Variants in CACNA2D2 observed in about 807,000 individuals in gnomAD.
CACNA2D2 encodes voltage-dependent calcium channel subunit alpha-2/delta-2.
CACNA2D2 carries 48 observed loss-of-function variants against 166.4 expected under a neutral mutation model. The observed-to-expected ratio is 0.29, with a 90% confidence interval of 0.23 to 0.37. CACNA2D2 has a LOEUF of 0.37. CACNA2D2 is among the 10% of genes least tolerant of loss of function. The pLI, the probability that CACNA2D2 is intolerant of heterozygous loss-of-function variation, is 1.00. For missense variants in CACNA2D2, 1,122 were observed against 1,433.0 expected, an observed-to-expected ratio of 0.78 and a Z score of 3.50; for synonymous variants, 561 against 573.7, an observed-to-expected ratio of 0.98 and a Z score of 0.32.
intron 15 of CACNA2D2, 85 bp from the exon 16 acceptor site, chr3:50,377,888 C>A: frequency 6.8e-7 from 1 of 1,472,298 alleles, no homozygotes; most frequent in Non-Finnish European, 9.4e-7. Flanking sequence ...GAGGTGCAGG[C>A]CACCTCTTTC....
chr3:50,426,552 G>A (rs963481362), intron 3 of CACNA2D2, among the ~76,000 whole-genome samples: 5 of 152,208 alleles, frequency 3.3e-5, no homozygotes, highest in Non-Finnish European at 5.9e-5. Flanking sequence ...AGCCACTAGG[G>A]AGAATTCGGT....
Position 50,375,806 on chromosome 3 carries a change from T to C in CACNA2D2, c.1845+3A>G. ...TCCCTGGCCCCCAGCCCTGCCTCCT[T>C]ACCTCATCCAGGGACTTGACCAACG... On this transcript the variant is annotated splice_donor_region_variant and intron_variant, in intron 20 of 37. Coordinates refer to ENST00000424201, the MANE Select transcript of CACNA2D2 (RefSeq NM_006030.4). The surrounding 1 kb of genome is among the most constrained non-coding windows in gnomAD (Gnocchi z 4.0). 1 of 1,612,994 alleles carries C rather than the reference T, an allele frequency of 6.2e-7. No individual in the cohort carries two copies.
intron 1 of CACNA2D2, among the ~76,000 whole-genome samples, chr3:50,481,213 T>C (rs1157134636): frequency 6.7e-6 from 1 of 148,920 alleles, no homozygotes; most frequent in Non-Finnish European, 1.5e-5. Context: ...CGAGAAAGGA[T>C]GGGGGAGGGG....
Position 50,377,468 on chromosome 3 carries a change from G to A in CACNA2D2, c.1625C>T (p.Thr542Met), listed in dbSNP as rs755714225. 2.5e-6 allele frequency: 4 copies of A among 1,611,698 alleles called. No homozygotes were observed. Among genetic ancestry groups the A allele is most frequent in the East Asian group, 4.5e-5 (2 of 44,884 alleles). The part of the protein sequence containing the change: ...NDIKRLTPNY[T>M]LGANGYVFAI... Reference sequence around the variant, plus strand: ...GCGGATGGGCAGGGGGATGCTCACCGTGTAGTTGGGGGTCAGCCTCTTGAT... The same window carrying A: ...GCGGATGGGCAGGGGGATGCTCACCATGTAGTTGGGGGTCAGCCTCTTGAT... Residue 542 changes from threonine (T) to methionine (M), a missense_variant and splice_region_variant, in exon 17 of 38, where the codon ACG (threonine) becomes ATG (methionine). Thr to Met is a moderately conservative substitution (Grantham distance 81, BLOSUM62 -1). Coordinates refer to ENST00000424201, the MANE Select transcript of CACNA2D2 (RefSeq NM_006030.4).
At chr3:50,443,194 C>T (rs953539087) in intron 2 of CACNA2D2, among the ~76,000 whole-genome samples, 21 of 152,212 alleles carry the variant, frequency 1.4e-4, no homozygotes, top group Non-Finnish European at 1.9e-4. Flanking sequence ...CGGGTGCGGC[C>T]GGCTGGTGTG....
intron 22 of CACNA2D2, among the ~76,000 whole-genome samples, chr3:50,372,745 T>C (rs587638666): frequency 6.6e-6 from 1 of 151,946 alleles, no homozygotes; most frequent in African/African-American, 2.4e-5. Context: ...GTCCCTACTG[T>C]TGAGTTGTCT....
At chr3:50,419,131 G>A (rs78235513) in intron 3 of CACNA2D2, among the ~76,000 whole-genome samples, 2,078 of 152,242 alleles carry the variant, frequency 0.014, 42 homozygotes, top group African/African-American at 0.046. Flanking sequence ...CTCTAGAGGC[G>A]GAGCCACGGA....
chr3:50,374,653 C>T (rs587701993), intron 22 of CACNA2D2, 84 bp downstream of exon 22: 6 of 1,476,690 alleles, frequency 4.1e-6, no homozygotes, highest in African/African-American at 1.4e-5. Flanking sequence ...CGCCGGCAAG[C>T]GGCGCTGGCT....
At position 50,375,902 on chromosome 3, in the gene CACNA2D2, G is replaced by C. The variant is rs1166805401; in HGVS notation, c.1774-22C>G. ...GGATCTGGAAGGGCCAGAGATGTGAGGGGCAGGGCCCCTACACTCCTCTGC... is the reference window on the plus strand; with the variant it reads ...GGATCTGGAAGGGCCAGAGATGTGACGGGCAGGGCCCCTACACTCCTCTGC... On this transcript the variant is annotated intron_variant, in intron 19 of 37. Transcript: ENST00000424201. The surrounding 1 kb of genome is among the most constrained non-coding windows in gnomAD (Gnocchi z 4.0). 6.2e-7 allele frequency: 1 copy of C among 1,612,946 alleles called. No homozygotes were observed. Among genetic ancestry groups the C allele is most frequent in the Admixed American group, 1.7e-5 (1 of 60,014 alleles).
At position 50,376,281 on chromosome 3, in the gene CACNA2D2, C is replaced by A; in HGVS notation, c.1627-93G>T. 2 of 1,309,800 alleles carry A rather than the reference C, an allele frequency of 1.5e-6. No homozygotes were observed. Among genetic ancestry groups the A allele is most frequent in the East Asian group, 2.4e-5 (1 of 40,926 alleles). The allele number at this position is 1,309,800 out of a possible 1,614,324, so 81.1% of individuals were successfully genotyped here. A position where few individuals can be genotyped will look rare whatever the true frequency, so the allele number is the denominator to read the frequency against. On this transcript the variant is annotated intron_variant, in intron 17 of 37. Transcript: ENST00000424201. The surrounding 1 kb of genome is among the most constrained non-coding windows in gnomAD (Gnocchi z 4.3). ...TTCCCTATTTGGCCTCCCACCGCAC[C>A]GAGAGATTCTGTTTGCCTGCCTTGG...
At chr3:50,368,842 G>A (rs1393446145) in intron 23 of CACNA2D2, among the ~76,000 whole-genome samples, 2 of 152,242 alleles carry the variant, frequency 1.3e-5, no homozygotes, top group Non-Finnish European at 2.9e-5. Flanking sequence ...TGGGTCCAGA[G>A]AACATGGGGC....
chr3:50,480,866 GAAC>G, intron 1 of CACNA2D2, among the ~76,000 whole-genome samples: 1 of 51,638 alleles, frequency 1.9e-5, no homozygotes, highest in African/African-American at 7.8e-5. Context: ...ACGGGAACGG[GAAC>G]AGGGAGGAAC....
chr3:50,439,410 T>C (rs891195484), intron 2 of CACNA2D2, among the ~76,000 whole-genome samples: 11 of 152,172 alleles, frequency 7.2e-5, no homozygotes, highest in East Asian at 3.9e-4. Flanking sequence ...AGAAAGAAAA[T>C]GGAACAAGAA....
intron 4 of CACNA2D2, among the ~76,000 whole-genome samples, chr3:50,389,600 G>A (rs967595940): frequency 2.6e-5 from 4 of 152,218 alleles, no homozygotes; most frequent in African/African-American, 7.2e-5. Flanking sequence ...CTGCACCTGG[G>A]TCAACACTAG....
intron 2 of CACNA2D2, 123 bp from the exon 3 acceptor site, chr3:50,434,552 T>C (rs765422419): frequency 1.7e-4 from 123 of 744,994 alleles, no homozygotes; most frequent in Non-Finnish European, 2.5e-4. Context: ...GACCCTGTCT[T>C]TGGCCTCTGA....
At chr3:50,451,201 T>C (rs527259417) in intron 2 of CACNA2D2, among the ~76,000 whole-genome samples, 92 of 152,012 alleles carry the variant, frequency 6.1e-4, no homozygotes, top group African/African-American at 2.1e-3. Flanking sequence ...TCTCGGCTCA[T>C]TGCAACCTCT....
At position 50,364,593 on chromosome 3, in the gene CACNA2D2, G is replaced by A; in HGVS notation, c.*73C>T. On this transcript the variant is annotated 3_prime_UTR_variant, in exon 38 of 38. Transcript: ENST00000424201. ...GAGGGACGAGGCTCTAAGGCGGGGA[G>A]TGTGGGGCAGGAGGGTGGGAAAGGC... 1 of 1,427,578 alleles carries A rather than the reference G, an allele frequency of 7.0e-7. No individual in the cohort carries two copies. The highest frequency in any genetic ancestry group is 9.2e-7 in the Non-Finnish European group (1 of 1,085,010). The allele number at this position is 1,427,578 out of a possible 1,614,324, so 88.4% of individuals were successfully genotyped here. A position where few individuals can be genotyped will look rare whatever the true frequency, so the allele number is the denominator to read the frequency against.
intron 2 of CACNA2D2, among the ~76,000 whole-genome samples, chr3:50,467,483 C>T (rs919617104): frequency 4.6e-5 from 7 of 152,316 alleles, no homozygotes; most frequent in African/African-American, 1.7e-4. Flanking sequence ...TCTCCATCTA[C>T]TGAATAGTTA....
At chr3:50,411,644 G>T (rs1326165474) in intron 3 of CACNA2D2, among the ~76,000 whole-genome samples, 1 of 152,230 alleles carries the variant, frequency 6.6e-6, no homozygotes, top group African/African-American at 2.4e-5. Context: ...TTTTTCAGAA[G>T]GAGGAAGCTC....
Sources: gnomAD v4.1 joint callset for allele counts (sites outside exome capture counted in the v4.1 genomes callset) on GRCh38, gnomAD v4.1.1 for gene constraint, Gnocchi (gnomAD v3.1) non-coding constraint, MANE v1.5 for transcripts, NCBI Gene and HGNC (gene_info 2026-07-23, HGNC 2026-07-21) for gene names.